Variants in RNF144B observed in about 807,000 individuals in gnomAD.
The protein encoded by RNF144B is E3 ubiquitin-protein ligase RNF144B.
A neutral mutation model predicts 40.2 loss-of-function variants in RNF144B; 25 were observed. The observed-to-expected ratio is 0.62, with a 90% CI of 0.45 to 0.87. The LOEUF is 0.87. Ranked by LOEUF, RNF144B falls within the 40% of genes least tolerant of loss-of-function variation. The probability of loss-of-function intolerance (pLI) is 0.00; values close to 1 mark genes in which losing one functional copy is unlikely to be tolerated. For synonymous variants in RNF144B, 145 were observed against 136.3 expected (o/e 1.06, Z -0.44); for missense variants, 365 against 373.7 (o/e 0.98, Z 0.19).
intron 3 of RNF144B, among the ~76,000 whole-genome samples, chr6:18,437,699 G>A (rs1212972254): frequency 1.3e-5 from 2 of 152,090 alleles, no homozygotes; most frequent in African/African-American, 4.8e-5. Flanking sequence ...TTCCCTGTTG[G>A]CAGTAGTATG....
intron 4 of RNF144B, among the ~76,000 whole-genome samples, chr6:18,453,805 A>G (rs1036223605): frequency 1.3e-5 from 2 of 152,162 alleles, no homozygotes; most frequent in African/African-American, 2.4e-5. Context: ...TAAAATATCT[A>G]CCACACAGGA....
chr6:18,410,757 G>A lies in RNF144B; in HGVS notation c.165+11058G>A, dbSNP rs78879673. ...GAATGAGATAGGGAGGATGGCGTCG[G>A]TACAGGATAGAGAATGGACTGAAAG... is the stretch of plus-strand genomic sequence containing the variant. On this transcript the variant is annotated intron_variant, in intron 2 of 7. Transcript: ENST00000259939. The surrounding 1 kb of genome is among the most constrained non-coding windows in gnomAD (Gnocchi z 4.6). 0.017 allele frequency among the ~76,000 whole-genome samples: 2,645 copies of A among 152,232 alleles called. 124 individuals carry two copies. The highest frequency in any genetic ancestry group is 0.17 in the South Asian group (819 of 4,822).
chr6:18,448,991 G>A lies in RNF144B; in HGVS notation c.332-8164G>A, dbSNP rs774824691. 2.7e-4 allele frequency among the ~76,000 whole-genome samples: 41 copies of A among 152,280 alleles called. No individual in the cohort carries two copies. The highest frequency in any genetic ancestry group is 5.9e-4 in the Admixed American group (9 of 15,292). ...TGTCAGGCACTGTGTTAAGTGTCTC[G>A]TTTACAGTGTCTATTCAATCTTGAA... On this transcript the variant is annotated intron_variant, in intron 4 of 7. Transcript: ENST00000259939. The surrounding 1 kb of genome is among the most constrained non-coding windows in gnomAD (Gnocchi z 4.0).
At position 18,441,523 on chromosome 6, in the gene RNF144B, C is replaced by T. The variant is rs1758965228; in HGVS notation, c.331+1779C>T. On this transcript the variant is annotated intron_variant, in intron 4 of 7. Transcript: ENST00000259939. This position sits in a 1 kb window ranked among gnomAD's most constrained non-coding sequence, Gnocchi z 4.9. ...CACTGCCCCATATGTCAGCAACAGG[C>T]CTTGTTCCTAATTGTTTACATTTTA... 6.6e-6 allele frequency among the ~76,000 whole-genome samples: 1 copy of T among 152,148 alleles called. No homozygotes were observed. The highest frequency in any genetic ancestry group is 2.4e-5 in the African/African-American group (1 of 41,428).
At position 18,422,829 on chromosome 6, in the gene RNF144B, G is replaced by C. The variant is rs1489634338; in HGVS notation, c.166-4752G>C. On this transcript the variant is annotated intron_variant, in intron 2 of 7. Transcript: ENST00000259939. The surrounding 1 kb of genome is among the most constrained non-coding windows in gnomAD (Gnocchi z 4.7). ...AATCAATAGTCGAGTGTAGTGGCAGGCATCTGTAGCCTCAGCTACTGAGGA... is the reference window on the plus strand; with the variant it reads ...AATCAATAGTCGAGTGTAGTGGCAGCCATCTGTAGCCTCAGCTACTGAGGA... 3.9e-5 allele frequency among the ~76,000 whole-genome samples: 6 copies of C among 151,924 alleles called. No homozygotes were observed. Among genetic ancestry groups the C allele is most frequent in the Non-Finnish European group, 8.8e-5 (6 of 68,002 alleles).
At position 18,422,589 on chromosome 6, in the gene RNF144B, G is replaced by T. The variant is rs548470542; in HGVS notation, c.166-4992G>T. On this transcript the variant is annotated intron_variant, in intron 2 of 7. Coordinates refer to ENST00000259939, the MANE Select transcript of RNF144B (RefSeq NM_182757.4). The surrounding 1 kb of genome is among the most constrained non-coding windows in gnomAD (Gnocchi z 4.7). ...ACCAACTCACCTTCAAGCCAGGTGG[G>T]CTGACAAGTCCTCCTTTGACCACAG... Among the ~76,000 whole-genome samples, 1 of 152,222 alleles carries T rather than the reference G, an allele frequency of 6.6e-6. No homozygotes were observed. The highest frequency in any genetic ancestry group is 2.1e-4 in the South Asian group (1 of 4,820).
At position 18,448,558 on chromosome 6, in the gene RNF144B, C is replaced by T. The variant is rs1759136209; in HGVS notation, c.332-8597C>T. On this transcript the variant is annotated intron_variant, in intron 4 of 7. Coordinates refer to ENST00000259939, the MANE Select transcript of RNF144B (RefSeq NM_182757.4). The surrounding 1 kb of genome is among the most constrained non-coding windows in gnomAD (Gnocchi z 4.0). Reference sequence around the variant, plus strand: ...GAACGTGAAGTTTACAAGATACCTCCCAGGTTGCATCCATTCATAAATCAT... The same window carrying T: ...GAACGTGAAGTTTACAAGATACCTCTCAGGTTGCATCCATTCATAAATCAT... Among the ~76,000 whole-genome samples the T allele has an allele frequency of 6.6e-6, 1 of 151,960 alleles. No homozygotes were observed. Among genetic ancestry groups the T allele is most frequent in the East Asian group, 1.9e-4 (1 of 5,192 alleles).
chr6:18,460,319 A>G lies in RNF144B; in HGVS notation c.681+568A>G, dbSNP rs907858579. ...TCTTTCTTAGTCGTTGCTCCCTCTG[A>G]CCACAGCTGGGAAAGGTTCTCTGCC... is the stretch of plus-strand genomic sequence containing the variant. On this transcript the variant is annotated intron_variant, in intron 6 of 7. Coordinates refer to ENST00000259939, the MANE Select transcript of RNF144B (RefSeq NM_182757.4). This position sits in a 1 kb window ranked among gnomAD's most constrained non-coding sequence, Gnocchi z 4.4. Among the ~76,000 whole-genome samples the G allele has an allele frequency of 6.6e-6, 1 of 152,124 alleles. No individual in the cohort carries two copies. The highest frequency in any genetic ancestry group is 2.4e-5 in the African/African-American group (1 of 41,418).
rs1759100030 is a variant in RNF144B at position 18,447,013 on chromosome 6, G to A, written c.331+7269G>A. ...CTGATGGGGAATACAGTGATCATCA[G>A]GACAAAATCCCTGCCCTAAAGGATC... is the stretch of plus-strand genomic sequence containing the variant. On this transcript the variant is annotated intron_variant, in intron 4 of 7. Transcript: ENST00000259939. This position sits in a 1 kb window ranked among gnomAD's most constrained non-coding sequence, Gnocchi z 5.6. 1.3e-5 allele frequency among the ~76,000 whole-genome samples: 2 copies of A among 152,042 alleles called. No individual in the cohort carries two copies. Among genetic ancestry groups the A allele is most frequent in the African/African-American group, 4.8e-5 (2 of 41,418 alleles).
At position 18,459,774 on chromosome 6, in the gene RNF144B, G is replaced by T. The variant is rs963150019; in HGVS notation, c.681+23G>T. On this transcript the variant is annotated intron_variant, in intron 6 of 7. Coordinates refer to ENST00000259939, the MANE Select transcript of RNF144B (RefSeq NM_182757.4). This position sits in a 1 kb window ranked among gnomAD's most constrained non-coding sequence, Gnocchi z 4.2. ...GATGTAAGTTCCACCTAGGTTTGTT[G>T]TATGGTGTTTCCTATACTGTATCTG... is the stretch of plus-strand genomic sequence containing the variant. 6.2e-7 allele frequency: 1 copy of T among 1,611,606 alleles called. No individual in the cohort carries two copies. The highest frequency in any genetic ancestry group is 8.5e-7 in the Non-Finnish European group (1 of 1,178,084).
chr6:18,437,487 G>A (rs1758849991), intron 3 of RNF144B, among the ~76,000 whole-genome samples: 1 of 152,216 alleles, frequency 6.6e-6, no homozygotes, highest in South Asian at 2.1e-4. Context: ...AGGGGAACTA[G>A]GGAAGAGAAT....
At chr6:18,463,210 A>G in intron 6 of RNF144B, 81 bp from the exon 7 acceptor site, 2 of 900,534 alleles carry the variant, frequency 2.2e-6, no homozygotes. Context: ...TTTGCCTTCC[A>G]TTTGGTGATC....
At position 18,456,922 on chromosome 6, in the gene RNF144B, C is replaced by A. The variant is rs1428170699; in HGVS notation, c.332-233C>A. 6.6e-6 allele frequency among the ~76,000 whole-genome samples: 1 copy of A among 151,958 alleles called. No homozygotes were observed. The highest frequency in any genetic ancestry group is 1.5e-5 in the Non-Finnish European group (1 of 68,002). On this transcript the variant is annotated intron_variant, in intron 4 of 7. Transcript: ENST00000259939. This position sits in a 1 kb window ranked among gnomAD's most constrained non-coding sequence, Gnocchi z 4.7. ...ACTAAAAATACAAAAATGAGCCAGGCGTGATGGTGCGCACCTGTAGTCCCA... is the reference window on the plus strand; with the variant it reads ...ACTAAAAATACAAAAATGAGCCAGGAGTGATGGTGCGCACCTGTAGTCCCA...
At chr6:18,439,948 A>G (rs1758921053) in intron 4 of RNF144B, among the ~76,000 whole-genome samples, 1 of 152,114 alleles carries the variant, frequency 6.6e-6, no homozygotes, top group African/African-American at 2.4e-5. Context: ...AGGAAACAGA[A>G]CTTTCCTTAT....
chr6:18,455,403 A>G (rs915900802), intron 4 of RNF144B, among the ~76,000 whole-genome samples: 9 of 152,250 alleles, frequency 5.9e-5, no homozygotes, highest in Non-Finnish European at 1.0e-4. Flanking sequence ...TAGTGGAGAC[A>G]GTATTTTATT....
At chr6:18,394,296 A>G (rs948323863) in intron 1 of RNF144B, among the ~76,000 whole-genome samples, 6 of 152,146 alleles carry the variant, frequency 3.9e-5, no homozygotes, top group African/African-American at 1.4e-4. Flanking sequence ...CATAAACTAC[A>G]TTGGTTAAAA....
rs533918723 is a variant in RNF144B, at chr6:18,443,211, T to C, written c.331+3467T>C. On this transcript the variant is annotated intron_variant, in intron 4 of 7. Coordinates refer to ENST00000259939, the MANE Select transcript of RNF144B (RefSeq NM_182757.4). This position sits in a 1 kb window ranked among gnomAD's most constrained non-coding sequence, Gnocchi z 4.7. The stretch of plus-strand genomic sequence containing the variant: ...CTTTTGATTTAACCTCCTCATTTTA[T>C]GAAAAACGTAACAGGCCCAGAGGCA... Among the ~76,000 whole-genome samples, 1 of 152,352 alleles carries C rather than the reference T, an allele frequency of 6.6e-6. No homozygotes were observed. Among genetic ancestry groups the C allele is most frequent in the African/African-American group, 2.4e-5 (1 of 41,596 alleles).
At position 18,463,154 on chromosome 6, in the gene RNF144B, G is replaced by A. The variant is rs562617232; in HGVS notation, c.682-137G>A. ...CAAAACTACCAAGATAAAGATTACA[G>A]GCTTGGAATTCCTAGAGGGGGTCAC... On this transcript the variant is annotated intron_variant, in intron 6 of 7. Coordinates refer to ENST00000259939, the MANE Select transcript of RNF144B (RefSeq NM_182757.4). 3.3e-5 allele frequency: 20 copies of A among 605,664 alleles called. No homozygotes were observed. In the South Asian group the frequency reaches 4.0e-4, roughly 12 times the overall value. 37.5% of individuals were successfully genotyped at this position (605,664 alleles called of 1,614,324 possible). A position where few individuals can be genotyped will look rare whatever the true frequency, so the allele number is the denominator to read the frequency against.
chr6:18,387,751 A>G (rs2113445662), intron 1 of RNF144B, 121 bp downstream of exon 1: 2 of 730,132 alleles, frequency 2.7e-6, no homozygotes, highest in Non-Finnish European at 3.9e-6. Context: ...TTCTGTCTCT[A>G]GTGCTCAAAC....
Sources: allele counts gnomAD v4.1 joint callset (sites outside exome capture counted in the v4.1 genomes callset), GRCh38; gene constraint gnomAD v4.1.1; non-coding constraint Gnocchi (gnomAD v3.1); transcripts MANE v1.5; gene names NCBI Gene and HGNC (gene_info 2026-07-23, HGNC 2026-07-21).